The following DDX4 variants were observed in gnomAD, a reference collection of about 807,000 sequenced individuals.
DDX4 encodes the protein DEAD-box helicase 4.
In DDX4, 25 loss-of-function variants were observed where a neutral mutation model predicts 100.0. That is an observed-to-expected ratio of 0.25 (90% CI 0.18 to 0.35). The LOEUF (loss-of-function observed/expected upper bound fraction) is 0.35, where lower values mean the gene tolerates loss of function less well. Ranked by LOEUF, DDX4 falls within the 10% of genes least tolerant of loss-of-function variation. The probability of loss-of-function intolerance (pLI) is 1.00; values close to 1 mark genes in which losing one functional copy is unlikely to be tolerated. For missense variants in DDX4, 635 were observed against 882.4 expected (o/e 0.72, Z 3.55); for synonymous variants, 259 against 275.7 (o/e 0.94, Z 0.60).
At chr5:55,785,382 TGA>T (rs1196997206) in intron 11 of DDX4, 38 bp downstream of exon 11, 3 of 1,584,702 alleles carry the variant, frequency 1.9e-6, no homozygotes, top group Non-Finnish European at 2.6e-6. Flanking sequence ...ATTTTTATAG[TGA>T]GAGTTCTTTT....
chr5:55,794,291 G>A (rs935625648), intron 17 of DDX4, among the ~76,000 whole-genome samples: 25 of 151,000 alleles, frequency 1.7e-4, no homozygotes, highest in African/African-American at 5.8e-4. Context: ...GGGTTCAAGC[G>A]ATTCTCCTGC....
chr5:55,816,703 G>A lies in DDX4; in HGVS notation c.*163G>A, dbSNP rs1364424640. 1 of 1,250,394 alleles carries A rather than the reference G, an allele frequency of 8.0e-7. No homozygotes were observed. Among genetic ancestry groups the A allele is most frequent in the Non-Finnish European group, 1.1e-6 (1 of 938,638 alleles). The allele number at this position is 1,250,394 out of a possible 1,614,324, so 77.5% of individuals were successfully genotyped here. On this transcript the variant is annotated 3_prime_UTR_variant, in exon 22 of 22. Transcript: ENST00000505374. ...AAATCCTTACTGACTAGTTATGTGA[G>A]ATGCTAAAACTTACAACATTGCAGT...
At chr5:55,799,819 A>G (rs1174567441) in intron 18 of DDX4, among the ~76,000 whole-genome samples, 1 of 152,100 alleles carries the variant, frequency 6.6e-6, no homozygotes, top group Non-Finnish European at 1.5e-5. Flanking sequence ...CACTTTCTCC[A>G]TCCACACCCT....
At chr5:55,758,363 A>G (rs1405734066) in intron 3 of DDX4, among the ~76,000 whole-genome samples, 2 of 152,130 alleles carry the variant, frequency 1.3e-5, no homozygotes, top group Non-Finnish European at 2.9e-5. Flanking sequence ...TCTATGAGTA[A>G]GGTTTATAAT....
chr5:55,773,822 C>T (rs1447422528), intron 7 of DDX4, among the ~76,000 whole-genome samples: 1 of 151,952 alleles, frequency 6.6e-6, no homozygotes, highest in African/African-American at 2.4e-5. Flanking sequence ...TGGGGTTCCA[C>T]TACATTGCGC....
intron 3 of DDX4, among the ~76,000 whole-genome samples, chr5:55,758,868 TAAA>T (rs35392036): frequency 0.058 from 4,075 of 69,942 alleles, 161 homozygotes; most frequent in African/African-American, 0.13. Context: ...TTTGTTTCCT[TAAA>T]AAAAAAAAAA....
intron 3 of DDX4, among the ~76,000 whole-genome samples, chr5:55,748,018 T>G (rs1306343732): frequency 6.6e-6 from 1 of 152,240 alleles, no homozygotes; most frequent in African/African-American, 2.4e-5. Flanking sequence ...GAGGATAGTT[T>G]GAGAGTCAGT....
chr5:55,756,228 A>G (rs1759923535), intron 3 of DDX4, among the ~76,000 whole-genome samples: 1 of 152,210 alleles, frequency 6.6e-6, no homozygotes, highest in African/African-American at 2.4e-5. Flanking sequence ...GCAGAACAGT[A>G]GCATTGGCAT....
At chr5:55,754,326 T>C (rs1396948807) in intron 3 of DDX4, among the ~76,000 whole-genome samples, 1 of 132,632 alleles carries the variant, frequency 7.5e-6, no homozygotes, top group Admixed American at 7.8e-5. Flanking sequence ...AGATAGCTCT[T>C]ATTATTTTGA....
intron 2 of DDX4, among the ~76,000 whole-genome samples, chr5:55,739,826 T>A (rs1180720447): frequency 6.6e-6 from 1 of 152,212 alleles, no homozygotes; most frequent in Non-Finnish European, 1.5e-5. Flanking sequence ...TATATTAAAA[T>A]ACCCAAAATA....
chr5:55,781,004 A>T, intron 8 of DDX4, 62 bp from the exon 9 acceptor site: 1 of 1,454,768 alleles, frequency 6.9e-7, no homozygotes, highest in Non-Finnish European at 9.4e-7. Context: ...TTTTCTGTTT[A>T]CTGAACGATT....
At chr5:55,761,664 A>G (rs1180418748) in intron 4 of DDX4, among the ~76,000 whole-genome samples, 2 of 151,748 alleles carry the variant, frequency 1.3e-5, no homozygotes, top group African/African-American at 4.8e-5. Context: ...CTGGAGTACA[A>G]TGGCACAATC....
intron 17 of DDX4, among the ~76,000 whole-genome samples, chr5:55,795,047 C>A (rs1742840054): frequency 6.6e-6 from 1 of 151,636 alleles, no homozygotes; most frequent in Non-Finnish European, 1.5e-5. Flanking sequence ...CTCACCGCAA[C>A]CTCCGCCTCC....
intron 18 of DDX4, among the ~76,000 whole-genome samples, chr5:55,811,228 A>G (rs1744109418): frequency 6.6e-6 from 1 of 152,162 alleles, no homozygotes; most frequent in Non-Finnish European, 1.5e-5. Flanking sequence ...CACCTTTTAT[A>G]GCTTATTTTA....
intron 7 of DDX4, among the ~76,000 whole-genome samples, chr5:55,772,874 T>C (rs1269354760): frequency 6.6e-6 from 1 of 152,196 alleles, no homozygotes; most frequent in Non-Finnish European, 1.5e-5. Flanking sequence ...TTTCATTAAT[T>C]ATCCAGTCTC....
Position 55,813,792 on chromosome 5 carries a change from T to C in DDX4, c.1715+20T>C. 6.4e-7 allele frequency: 1 copy of C among 1,558,212 alleles called. No individual in the cohort carries two copies. Among genetic ancestry groups the C allele is most frequent in the Non-Finnish European group, 8.6e-7 (1 of 1,157,100 alleles). On this transcript the variant is annotated intron_variant, in intron 19 of 21. Transcript: ENST00000505374. ...TCATGGGTGAGTAGATGAATATAAT[T>C]ACCTATTAGGGGAATGACTTCTATT...
At chr5:55,776,607 G>A (rs554652466) in intron 7 of DDX4, among the ~76,000 whole-genome samples, 46 of 152,308 alleles carry the variant, frequency 3.0e-4, no homozygotes, top group African/African-American at 1.1e-3. Context: ...ATTTCAGAAT[G>A]TAATAGCATA....
chr5:55,746,280 T>C (rs1759245445), intron 3 of DDX4, 59 bp downstream of exon 3: 1 of 1,468,164 alleles, frequency 6.8e-7, no homozygotes, highest in Non-Finnish European at 9.3e-7. Flanking sequence ...ATCTAGTGAA[T>C]GAAGAGCAGC....
intron 3 of DDX4, 92 bp downstream of exon 3, chr5:55,746,313 G>A: frequency 8.7e-7 from 1 of 1,151,994 alleles, no homozygotes; most frequent in African/African-American, 1.6e-5. Context: ...ATCTTGTAGA[G>A]GGTGTTTTAA....
Sources: allele counts gnomAD v4.1 joint callset (sites outside exome capture counted in the v4.1 genomes callset), GRCh38; gene constraint gnomAD v4.1.1; transcripts MANE v1.5; gene names NCBI Gene and HGNC (gene_info 2026-07-23, HGNC 2026-07-21).